Variants in CYP51A1 observed in about 807,000 individuals in gnomAD.
CYP51A1 encodes the protein lanosterol 14-alpha demethylase.
In CYP51A1, 45 loss-of-function variants were observed where a neutral mutation model predicts 53.5. The ratio of observed to expected loss-of-function variants is 0.84; its 90% CI spans 0.66 to 1.08. The LOEUF (loss-of-function observed/expected upper bound fraction) is 1.08, where lower values mean the gene tolerates loss of function less well. Ranked by LOEUF, CYP51A1 falls within the 50% of genes least tolerant of loss-of-function variation. The probability of loss-of-function intolerance (pLI) is 0.00; values close to 1 mark genes in which losing one functional copy is unlikely to be tolerated. For synonymous variants in CYP51A1, 181 were observed against 217.7 expected, an observed-to-expected ratio of 0.83 and a Z score of 1.48; for missense variants, 462 against 621.7, an observed-to-expected ratio of 0.74 and a Z score of 2.73.
rs1203782222 is a variant in CYP51A1, at chr7:92,112,843, AAAAAGG to A, written c.*816_*821del. ...GACTCCATCTCAAAAAAAAAAAAAAAAAAAGGAAGCAGGGAACAACTGAGCCAAAAC... is the reference window on the plus strand; with the variant it reads ...GACTCCATCTCAAAAAAAAAAAAAAAAAGCAGGGAACAACTGAGCCAAAAC... On this transcript the variant is annotated 3_prime_UTR_variant, in exon 10 of 10. Coordinates refer to ENST00000003100, the MANE Select transcript of CYP51A1 (RefSeq NM_000786.4). 1 of 152,166 alleles carries A rather than the reference AAAAAGG, an allele frequency of 6.6e-6. No homozygotes were observed. 9.4% of individuals were successfully genotyped at this position (152,166 alleles called of 1,614,324 possible). A position where few individuals can be genotyped will look rare whatever the true frequency, so the allele number is the denominator to read the frequency against.
chr7:92,117,174 C>T lies in CYP51A1; in HGVS notation c.1221G>A (p.Val407=). Residue 407 remains valine (V), a synonymous_variant, in exon 9 of 10, where the codon GTG becomes GTA. Coordinates refer to ENST00000003100, the MANE Select transcript of CYP51A1 (RefSeq NM_000786.4). ...TTTGATTGACAGTGGGAGAAACACACACCTGATGTCCTGGAGGAATGGTAT... is the reference window on the plus strand; with the variant it reads ...TTTGATTGACAGTGGGAGAAACACATACCTGATGTCCTGGAGGAATGGTAT... ...AGYTIPPGHQ[V]CVSPTVNQRL... 1.9e-6 allele frequency: 3 copies of T among 1,614,086 alleles called. No homozygotes were observed. The highest frequency in any genetic ancestry group is 2.5e-6 in the Non-Finnish European group (3 of 1,179,976).
intron 5 of CYP51A1, 107 bp downstream of exon 5, chr7:92,126,146 G>A (rs1819795498): frequency 8.3e-6 from 6 of 727,178 alleles, no homozygotes; most frequent in African/African-American, 5.4e-5. Context: ...TACCCATTTT[G>A]TATGTTTTAC....
chr7:92,131,926 C>A (rs1819929647), intron 1 of CYP51A1, 54 bp from the exon 2 acceptor site: 1 of 1,134,864 alleles, frequency 8.8e-7, no homozygotes, highest in Admixed American at 1.7e-5. Flanking sequence ...AAGAGAGAAA[C>A]CCAGTTTCGT....
Position 92,127,623 on chromosome 7 carries a change from C to T in CYP51A1, c.477G>A (p.Leu159=), listed in dbSNP as rs1486756437. Residue 159 remains leucine, a synonymous_variant, in exon 4 of 10, where the codon TTG becomes TTA. Coordinates refer to ENST00000003100, the MANE Select transcript of CYP51A1 (RefSeq NM_000786.4). ...CACTTTTTAACATTTTCTTCTGCTC[C>T]AAGAAAACCTTCAAAAAAATTCAAA... is the stretch of plus-strand genomic sequence containing the variant. The part of the protein sequence containing the change: ...VAYDVPNPVF[L]EQKKMLKSGL... 3.1e-6 allele frequency: 5 copies of T among 1,613,416 alleles called. No homozygotes were observed. The highest frequency in any genetic ancestry group is 4.2e-6 in the Non-Finnish European group (5 of 1,179,712).
intron 2 of CYP51A1, 121 bp downstream of exon 2, chr7:92,131,653 A>G (rs983810607): frequency 5.2e-6 from 3 of 579,252 alleles, no homozygotes; most frequent in South Asian, 4.6e-5. Flanking sequence ...TTTGTTTCCT[A>G]TACTGAGGAT....
chr7:92,131,911 A>G (rs1466715772), intron 1 of CYP51A1, 39 bp from the exon 2 acceptor site: 2 of 1,245,954 alleles, frequency 1.6e-6, no homozygotes, highest in African/African-American at 3.0e-5. Flanking sequence ...TTCGTGTTTC[A>G]TTTCAAGAGA....
chr7:92,118,406 C>T lies in CYP51A1; in HGVS notation c.1182+114G>A, dbSNP rs1819620767. The T allele has an allele frequency of 1.1e-5, 8 of 719,172 alleles. 1 individual carries two copies. Among genetic ancestry groups the T allele is most frequent in the South Asian group, 9.1e-5 (6 of 66,286 alleles). The allele number at this position is 719,172 out of a possible 1,614,324, so 44.5% of individuals were successfully genotyped here. ...AAATTCTGGCCTCAAGTGATCCTCC[C>T]ACCTCAGCCTCCCAAAGTGTTGAGA... On this transcript the variant is annotated intron_variant, in intron 8 of 9. Transcript: ENST00000003100.
chr7:92,127,701 G>C, intron 3 of CYP51A1, 70 bp from the exon 4 acceptor site: 1 of 1,506,066 alleles, frequency 6.6e-7, no homozygotes, highest in South Asian at 1.2e-5. Flanking sequence ...ATCCATTTAG[G>C]TTATTATAAT....
chr7:92,118,695 G>T, intron 7 of CYP51A1, 80 bp from the exon 8 acceptor site: 1 of 796,544 alleles, frequency 1.3e-6, no homozygotes, highest in Non-Finnish European at 2.2e-6. Context: ...TTCTTAGTTA[G>T]TACAAGACAG....
chr7:92,122,493 T>C (rs1819712638), intron 7 of CYP51A1, among the ~76,000 whole-genome samples: 1 of 152,120 alleles, frequency 6.6e-6, no homozygotes, highest in Non-Finnish European at 1.5e-5. Flanking sequence ...GAAAGAACTA[T>C]GCACCATGAC....
chr7:92,121,042 C>T (rs1819681405), intron 7 of CYP51A1, among the ~76,000 whole-genome samples: 1 of 152,094 alleles, frequency 6.6e-6, no homozygotes, highest in Non-Finnish European at 1.5e-5. Context: ...GTAATCCCAG[C>T]ACTTTGGGAG....
At chr7:92,120,058 A>G (rs1191864617) in intron 7 of CYP51A1, among the ~76,000 whole-genome samples, 2 of 152,218 alleles carry the variant, frequency 1.3e-5, no homozygotes, top group Non-Finnish European at 2.9e-5. Context: ...ACTTAAGAAT[A>G]CATTTAACAA....
Position 92,134,310 on chromosome 7 carries a change from C to G in CYP51A1, c.55G>C (p.Val19Leu). The G allele has an allele frequency of 6.2e-7, 1 of 1,601,730 alleles. No homozygotes were observed. Among genetic ancestry groups the G allele is most frequent in the Non-Finnish European group, 8.5e-7 (1 of 1,171,958 alleles). Residue 19 changes from valine (V) to leucine (L), a missense_variant, in exon 1 of 10, where the codon GTG becomes CTG. Coordinates refer to ENST00000003100, the MANE Select transcript of CYP51A1 (RefSeq NM_000786.4). ...LLGLLQAGGS[V>L]LGQAMEKVTG... ...ACCTTCTCCATCGCCTGGCCCAGCA[C>G]CGACCCACCCGCCTGCAGCAAGCCC...
At chr7:92,114,875 C>G (rs1264122434) in intron 9 of CYP51A1, among the ~76,000 whole-genome samples, 1 of 152,104 alleles carries the variant, frequency 6.6e-6, no homozygotes, top group Non-Finnish European at 1.5e-5. Flanking sequence ...GATTTTTCAT[C>G]AAAAGAAAAA....
At chr7:92,117,257 G>A (rs1819597134) in intron 8 of CYP51A1, 45 bp from the exon 9 acceptor site, 2 of 1,534,892 alleles carry the variant, frequency 1.3e-6, no homozygotes, top group Non-Finnish European at 1.8e-6. Context: ...TTAAAAATGT[G>A]CTGACAAATA....
chr7:92,131,169 A>C (rs1223700407), intron 2 of CYP51A1, among the ~76,000 whole-genome samples: 1 of 152,246 alleles, frequency 6.6e-6, no homozygotes, highest in Non-Finnish European at 1.5e-5. Flanking sequence ...ATGAGGTCAA[A>C]GAATAGTTAT....
chr7:92,134,435 G>A lies in CYP51A1; in HGVS notation c.-71C>T, dbSNP rs1157218799. 2.8e-6 allele frequency: 4 copies of A among 1,447,234 alleles called. No individual in the cohort carries two copies. The highest frequency in any genetic ancestry group is 2.9e-5 in the African/African-American group (2 of 69,868). The allele number at this position is 1,447,234 out of a possible 1,614,324, so 89.6% of individuals were successfully genotyped here. On this transcript the variant is annotated 5_prime_UTR_variant, in exon 1 of 10. Coordinates refer to ENST00000003100, the MANE Select transcript of CYP51A1 (RefSeq NM_000786.4). ...CCAATCGACGGAACGAGAGAAGCTG[G>A]CAGATGGTCGTCCACAGGGGGCCTT...
Position 92,113,422 on chromosome 7 carries a change from G to T in CYP51A1, c.*243C>A. ...TTACCTAGATCCCCCCTCAACAATT[G>T]TTTCACCAAGGAACTTCCTGAAAGC... On this transcript the variant is annotated 3_prime_UTR_variant, in exon 10 of 10. Transcript: ENST00000003100. 1 of 410,550 alleles carries T rather than the reference G, an allele frequency of 2.4e-6. No homozygotes were observed. Among genetic ancestry groups the T allele is most frequent in the Non-Finnish European group, 4.3e-6 (1 of 232,764 alleles). The allele number at this position is 410,550 out of a possible 1,614,324, so 25.4% of individuals were successfully genotyped here.
chr7:92,127,351 A>G (rs1173581483), intron 4 of CYP51A1, among the ~76,000 whole-genome samples, 154 bp downstream of exon 4: 1 of 152,212 alleles, frequency 6.6e-6, no homozygotes, highest in Admixed American at 6.5e-5. Flanking sequence ...CTCAGTTACA[A>G]CTTCATGGTA....
Sources: allele counts gnomAD v4.1 joint callset (sites outside exome capture counted in the v4.1 genomes callset), GRCh38; gene constraint gnomAD v4.1.1; transcripts MANE v1.5; gene names NCBI Gene and HGNC (gene_info 2026-07-23, HGNC 2026-07-21).